The following ATP11C variants were observed in gnomAD, a reference collection of about 807,000 sequenced individuals.
The protein encoded by ATP11C is ATPase phospholipid transporting 11C (ATP11C blood group).
Under a neutral mutation model 97.4 loss-of-function variants are expected in ATP11C, and 36 were observed. The ratio of observed to expected loss-of-function variants is 0.37; its 90% confidence interval spans 0.28 to 0.49. ATP11C has a LOEUF of 0.49. Among genes scored for constraint, ATP11C ranks in the 20% least tolerant of loss-of-function variants. ATP11C has a pLI of 0.98. For missense variants in ATP11C, 730 were observed against 824.6 expected (o/e 0.89, Z 1.40); for synonymous variants, 275 against 290.9 (o/e 0.95, Z 0.56).
intron 1 of ATP11C, among the ~76,000 whole-genome samples, chrX:139,843,601 G>A (rs2083866219): frequency 9.0e-6 from 1 of 111,359 alleles, no homozygotes; most frequent in African/African-American, 3.3e-5. Flanking sequence ...GTTTCAAAGA[G>A]CCTGTACAAG....
chrX:139,848,713 C>G (rs980538758), intron 1 of ATP11C, among the ~76,000 whole-genome samples: 2 of 108,421 alleles, frequency 1.8e-5, no homozygotes, highest in Non-Finnish European at 3.8e-5. Context: ...AAAGCCCTTA[C>G]CAGTCCTCAT....
chrX:139,759,556 G>A (rs73579539), intron 22 of ATP11C, among the ~76,000 whole-genome samples: 2,001 of 111,384 alleles, frequency 0.018, 53 homozygotes, highest in African/African-American at 0.062. Context: ...AATTATGTAA[G>A]GAGGATTAAA....
chrX:139,795,039 T>C (rs781474078), intron 12 of ATP11C, among the ~76,000 whole-genome samples: 2 of 112,260 alleles, frequency 1.8e-5, no homozygotes, highest in South Asian at 7.5e-4. Flanking sequence ...ATGCCTTTTA[T>C]TGAGATTAGA....
intron 23 of ATP11C, among the ~76,000 whole-genome samples, chrX:139,754,175 C>T (rs769008969): frequency 2.7e-5 from 3 of 110,977 alleles, no homozygotes; most frequent in Non-Finnish European, 3.8e-5. Flanking sequence ...ATACAAAAAC[C>T]CTGAGAGACT....
intron 26 of ATP11C, among the ~76,000 whole-genome samples, chrX:139,742,160 G>T (rs917444478): frequency 1.8e-5 from 2 of 111,480 alleles, no homozygotes; most frequent in Admixed American, 9.5e-5. Flanking sequence ...AAAAAAGGAG[G>T]GGGGAGGCGT....
At chrX:139,788,470 C>T (rs1458614605) in intron 13 of ATP11C, 127 bp from the exon 14 acceptor site, 12 of 597,140 alleles carry the variant, frequency 2.0e-5, no homozygotes, top group Non-Finnish European at 2.6e-5. Flanking sequence ...GTAGCAGATA[C>T]GTATAAATTC....
chrX:139,769,828 C>T (rs191971291), intron 19 of ATP11C, among the ~76,000 whole-genome samples: 13 of 110,880 alleles, frequency 1.2e-4, no homozygotes, highest in Admixed American at 3.9e-4. Context: ...AATTCGGATT[C>T]GTTAGGTCTG....
Position 139,830,806 on chromosome X carries a change from A to AG in ATP11C, c.28-3984dup, listed in dbSNP as rs747870036. Among the ~76,000 whole-genome samples, 17 of 111,769 alleles carry AG rather than the reference A, an allele frequency of 1.5e-4. 1 individual carries two copies. In the East Asian group the frequency reaches 3.9e-3, roughly 26 times the overall value. On this transcript the variant is annotated intron_variant, in intron 1 of 29. Transcript: ENST00000682941. The stretch of plus-strand genomic sequence containing the variant: ...AAGCAGGAATATTTTTGAACAGCAT[A>AG]GTGTCTTAAAAAGGCCAAATTCAAA...
chrX:139,810,142 C>T (rs1255536477), intron 5 of ATP11C, among the ~76,000 whole-genome samples: 3 of 110,913 alleles, frequency 2.7e-5, no homozygotes, highest in Non-Finnish European at 3.8e-5. Context: ...CTGAACACAA[C>T]GGAATTAAAT....
At chrX:139,735,797 G>A (rs1397971250) in intron 28 of ATP11C, among the ~76,000 whole-genome samples, 1 of 110,317 alleles carries the variant, frequency 9.1e-6, no homozygotes, top group Non-Finnish European at 1.9e-5. Flanking sequence ...AGGCAGCACT[G>A]CTGAGTGCCC....
At chrX:139,918,081 G>A (rs924666401) in intron 1 of ATP11C, among the ~76,000 whole-genome samples, 1 of 109,636 alleles carries the variant, frequency 9.1e-6, no homozygotes, top group Non-Finnish European at 1.9e-5. Context: ...GTTGAAAACA[G>A]TACAGAAGTT....
rs73634070 is a variant in ATP11C, at chrX:139,846,697, G to T, written c.28-19874C>A. ...TCATAGATCATAAGTAAGGATTTTG[G>T]CTACATTTCTAAAATAGCGTGTTCA... On this transcript the variant is annotated intron_variant, in intron 1 of 29. Transcript: ENST00000682941. 4.5e-5 allele frequency among the ~76,000 whole-genome samples: 5 copies of T among 110,943 alleles called. No individual in the cohort carries two copies. In the Admixed American group the frequency reaches 4.8e-4, roughly 11 times the overall value.
In ATP11C at chrX:139,845,996, A is replaced by C. The variant is rs550900735; in HGVS notation, c.28-19173T>G. The stretch of plus-strand genomic sequence containing the variant: ...ATTGTTGTGTGGGGATCTCTGTCAC[A>C]TAAACTTCATTATGGATCTTCGGGT... On this transcript the variant is annotated intron_variant, in intron 1 of 29. Transcript: ENST00000682941. Among the ~76,000 whole-genome samples, 3 of 112,256 alleles carry C rather than the reference A, an allele frequency of 2.7e-5. No homozygotes were observed. In the South Asian group the frequency reaches 1.1e-3, roughly 41 times the overall value.
intron 2 of ATP11C, among the ~76,000 whole-genome samples, chrX:139,820,934 C>T (rs1368676857): frequency 3.6e-5 from 4 of 111,159 alleles, no homozygotes; most frequent in Non-Finnish European, 5.6e-5. Flanking sequence ...TGACCATGTG[C>T]GATTTAGCAT....
chrX:139,757,711 G>T, intron 23 of ATP11C, 97 bp downstream of exon 23: 1 of 564,599 alleles, frequency 1.8e-6, no homozygotes, highest in Non-Finnish European at 2.7e-6. Context: ...ATTTTACTTT[G>T]TACATACATC....
At chrX:139,888,551 T>C (rs909165637) in intron 1 of ATP11C, among the ~76,000 whole-genome samples, 3 of 111,885 alleles carry the variant, frequency 2.7e-5, no homozygotes, top group African/African-American at 6.5e-5. Flanking sequence ...ACTATTCACC[T>C]ACCAGAATGG....
At chrX:139,736,151 C>T (rs1030988558) in intron 28 of ATP11C, among the ~76,000 whole-genome samples, 1 of 110,181 alleles carries the variant, frequency 9.1e-6, no homozygotes, top group Non-Finnish European at 1.9e-5. Flanking sequence ...GTACTTTCAA[C>T]AGAAGTTCAG....
At chrX:139,886,556 A>G (rs2084645191) in intron 1 of ATP11C, among the ~76,000 whole-genome samples, 1 of 100,671 alleles carries the variant, frequency 9.9e-6, no homozygotes, top group Non-Finnish European at 2.0e-5. Flanking sequence ...GAGATTTTCC[A>G]GCCTGGCAAC....
chrX:139,797,475 A>G (rs1233380979), intron 10 of ATP11C, 149 bp from the exon 11 acceptor site: 1 of 431,352 alleles, frequency 2.3e-6, no homozygotes, highest in East Asian at 4.3e-5. Flanking sequence ...TAGCTGCAGC[A>G]TTACTTTCAA....
Sources: allele counts gnomAD v4.1 joint callset (sites outside exome capture counted in the v4.1 genomes callset), GRCh38; gene constraint gnomAD v4.1.1; transcripts MANE v1.5; gene names NCBI Gene and HGNC (gene_info 2026-07-23, HGNC 2026-07-21).